The following NCOA3 variants were observed in gnomAD, a reference collection of about 807,000 sequenced individuals.
NCOA3 encodes the protein nuclear receptor coactivator 3, also known as CBP-interacting protein.
A neutral mutation model predicts 158.8 loss-of-function variants in NCOA3; 51 were observed. That is an observed-to-expected ratio of 0.32 (90% CI 0.26 to 0.41). NCOA3 has a LOEUF of 0.41. Among genes scored for constraint, NCOA3 ranks in the 10% least tolerant of loss-of-function variants. NCOA3 has a pLI of 1.00. For synonymous variants in NCOA3, 537 were observed against 592.4 expected (o/e 0.91, Z 1.36); for missense variants, 1,510 against 1,746.6 (o/e 0.86, Z 2.41).
At chr20:47,623,485 T>C (rs1012021873) in intron 3 of NCOA3, among the ~76,000 whole-genome samples, 2 of 152,160 alleles carry the variant, frequency 1.3e-5, no homozygotes, top group African/African-American at 4.8e-5. Flanking sequence ...GAGTTTAGTT[T>C]GTTTACATAT....
Position 47,653,643 on chromosome 20 carries a change from C to G in NCOA3, c.*226C>G. On this transcript the variant is annotated 3_prime_UTR_variant, in exon 23 of 23. Transcript: ENST00000371998. Reference sequence around the variant, plus strand: ...TCCTTCTGCTGTGTATCATGGTGTTCAAAACAGAAATGTTTTTTGGCATTC... The same window carrying G: ...TCCTTCTGCTGTGTATCATGGTGTTGAAAACAGAAATGTTTTTTGGCATTC... 3.7e-6 allele frequency: 2 copies of G among 539,530 alleles called. No individual in the cohort carries two copies. Among genetic ancestry groups the G allele is most frequent in the Non-Finnish European group, 6.5e-6 (2 of 305,672 alleles). 33.4% of individuals were successfully genotyped at this position (539,530 alleles called of 1,614,324 possible).
At chr20:47,642,120 T>C (rs535903733) in intron 16 of NCOA3, 93 bp from the exon 17 acceptor site, 39 of 912,686 alleles carry the variant, frequency 4.3e-5, no homozygotes, top group Non-Finnish European at 6.1e-5. Context: ...TTTGAGTTAC[T>C]GTTCATTAAA....
intron 1 of NCOA3, among the ~76,000 whole-genome samples, chr20:47,543,128 G>C (rs529306327): frequency 6.6e-6 from 1 of 152,284 alleles, no homozygotes; most frequent in East Asian, 1.9e-4. Context: ...ATTTGCTTCC[G>C]AGGTGGCTTA....
chr20:47,579,068 AGCT>A (rs1303667829), intron 1 of NCOA3, among the ~76,000 whole-genome samples: 3 of 152,186 alleles, frequency 2.0e-5, no homozygotes, highest in Admixed American at 2.0e-4. Context: ...TTCTCAGACT[AGCT>A]ATTAACAAGG....
At chr20:47,590,857 C>T (rs1383331338) in intron 2 of NCOA3, among the ~76,000 whole-genome samples, 1 of 152,044 alleles carries the variant, frequency 6.6e-6, no homozygotes, top group Non-Finnish European at 1.5e-5. Flanking sequence ...TACCTGTAGT[C>T]CCAGCACTTT....
At chr20:47,643,674 T>G (rs766114296) in intron 17 of NCOA3, among the ~76,000 whole-genome samples, 3 of 152,160 alleles carry the variant, frequency 2.0e-5, no homozygotes, top group Admixed American at 1.3e-4. Context: ...TCCTTTGTTT[T>G]GCTGCAACAC....
intron 18 of NCOA3, among the ~76,000 whole-genome samples, chr20:47,648,041 A>C (rs2086720747): frequency 6.6e-6 from 1 of 151,286 alleles, no homozygotes; most frequent in Admixed American, 6.6e-5. Context: ...CAGCCTCCCG[A>C]GTAGCTGGGG....
intron 1 of NCOA3, among the ~76,000 whole-genome samples, chr20:47,524,916 T>TTTTA (rs780428918): frequency 6.6e-6 from 1 of 151,988 alleles, no homozygotes; most frequent in Non-Finnish European, 1.5e-5. Context: ...TTCTATTTTA[T>TTTTA]TTTATTTATT....
chr20:47,603,077 G>A (rs558291750), intron 2 of NCOA3, among the ~76,000 whole-genome samples: 50 of 152,284 alleles, frequency 3.3e-4, no homozygotes, highest in African/African-American at 1.2e-3. Context: ...AAATTCTTTT[G>A]ACAGAGAAGT....
At chr20:47,652,607 GTCACATCC>G (rs2146351854) in intron 21 of NCOA3, 27 bp downstream of exon 21, 1 of 1,585,440 alleles carries the variant, frequency 6.3e-7, no homozygotes, top group East Asian at 2.3e-5. Flanking sequence ...TATAAAGTTA[GTCACATCC>G]TAGTCCCAGA....
At chr20:47,505,437 A>C (rs1258823700) in intron 1 of NCOA3, among the ~76,000 whole-genome samples, 2 of 152,024 alleles carry the variant, frequency 1.3e-5, no homozygotes, top group Non-Finnish European at 2.9e-5. Flanking sequence ...AATTTGTTGC[A>C]AGTTTAGAAT....
chr20:47,611,071 G>T (rs1257404621), intron 2 of NCOA3, among the ~76,000 whole-genome samples: 3 of 152,090 alleles, frequency 2.0e-5, no homozygotes, highest in African/African-American at 7.2e-5. Context: ...CAGCTGTTTG[G>T]TTACCAGGTG....
At chr20:47,629,583 G>A (rs993478033) in intron 8 of NCOA3, among the ~76,000 whole-genome samples, 2 of 152,034 alleles carry the variant, frequency 1.3e-5, no homozygotes, top group Non-Finnish European at 2.9e-5. Context: ...CGCCTGCCTC[G>A]GCCTCCCAAA....
intron 1 of NCOA3, among the ~76,000 whole-genome samples, chr20:47,563,967 C>T (rs888047500): frequency 2.6e-5 from 4 of 151,742 alleles, no homozygotes; most frequent in Admixed American, 1.3e-4. Flanking sequence ...TGAGACCAGC[C>T]TGAGCAGCAT....
chr20:47,558,292 G>A (rs945435727), intron 1 of NCOA3, among the ~76,000 whole-genome samples: 2 of 138,482 alleles, frequency 1.4e-5, no homozygotes, highest in Non-Finnish European at 3.0e-5. Context: ...ATGTTGGTCA[G>A]GCTGGTCTCA....
intron 5 of NCOA3, among the ~76,000 whole-genome samples, chr20:47,626,407 A>G (rs1253738574): frequency 3.9e-5 from 6 of 152,194 alleles, no homozygotes; most frequent in Admixed American, 1.3e-4. Flanking sequence ...TCCTTTAAAG[A>G]TATAATTCTT....
Position 47,636,520 on chromosome 20 carries a change from A to G in NCOA3, c.2134A>G (p.Ser712Gly), listed in dbSNP as rs772752643. 4 of 1,614,222 alleles carry G rather than the reference A, an allele frequency of 2.5e-6. No homozygotes were observed. In the South Asian group the frequency reaches 3.3e-5, roughly 13 times the overall value. ...TAEATGKDTS[S>G]ITSCGDGNVV... ...AGAAGCCACTGGGAAAGACACCAGC[A>G]GTATAACTTCTTGTGGGGACGGAAA... The change falls in exon 12 of 23, where the codon AGT becomes GGT. Residue 712 changes from serine (S) to glycine (G), a missense_variant. Ser to Gly is a moderately conservative substitution (Grantham distance 56). Transcript: ENST00000371998.
chr20:47,609,155 C>G (rs945410726), intron 2 of NCOA3, among the ~76,000 whole-genome samples: 2 of 152,072 alleles, frequency 1.3e-5, no homozygotes, highest in South Asian at 4.1e-4. Flanking sequence ...GATCTACTTA[C>G]TAGTTTGTTA....
chr20:47,519,989 C>T (rs890999725), intron 1 of NCOA3, among the ~76,000 whole-genome samples: 1 of 148,078 alleles, frequency 6.8e-6, no homozygotes, highest in Non-Finnish European at 1.5e-5. Context: ...GTCTCGAACT[C>T]CTGACCTTGT....
Sources: allele counts gnomAD v4.1 joint callset (sites outside exome capture counted in the v4.1 genomes callset), GRCh38; gene constraint gnomAD v4.1.1; transcripts MANE v1.5; gene names NCBI Gene and HGNC (gene_info 2026-07-23, HGNC 2026-07-21).